GOLT1A: variants seen among roughly 807,000 people sequenced by gnomAD.
GOLT1A encodes the protein vesicle transport protein GOT1A.
In GOLT1A, 10 loss-of-function variants were observed where a neutral mutation model predicts 16.1. That is an observed-to-expected ratio of 0.62 (90% CI 0.38 to 1.05). The LOEUF (loss-of-function observed/expected upper bound fraction) is 1.05, where lower values mean the gene tolerates loss of function less well. GOLT1A is among the 50% of genes least tolerant of loss of function. The pLI is 0.01. For missense variants in GOLT1A, 137 were observed against 165.7 expected, an observed-to-expected ratio of 0.83 and a Z score of 0.95; for synonymous variants, 60 against 67.9, an observed-to-expected ratio of 0.88 and a Z score of 0.57.
chr1:204,200,339 T>TG (rs1658936918), intron 3 of GOLT1A, among the ~76,000 whole-genome samples: 2 of 56,524 alleles, frequency 3.5e-5, no homozygotes, highest in African/African-American at 1.8e-4. Context: ...TTTTTTTTTT[T>TG]TGAGAGAGAG....
At chr1:204,204,456 T>A (rs1329365220) in intron 1 of GOLT1A, among the ~76,000 whole-genome samples, 1 of 152,234 alleles carries the variant, frequency 6.6e-6, no homozygotes, top group African/African-American at 2.4e-5. Context: ...GGTTCCTTCA[T>A]GTTGTAGCAT....
Position 204,211,699 on chromosome 1 carries a change from G to A in GOLT1A, c.25+2183C>T, listed in dbSNP as rs566387238. The stretch of plus-strand genomic sequence containing the variant: ...CCCACCTCTCTCTATATTTTTATTC[G>A]CCAGGTCCATGATTCTCAACTGGGC... On this transcript the variant is annotated intron_variant, in intron 1 of 4. Transcript: ENST00000308302. Among the ~76,000 whole-genome samples the A allele has an allele frequency of 3.9e-5, 6 of 152,156 alleles. No individual in the cohort carries two copies. The East Asian group carries it at 5.8e-4, about 15-fold the overall frequency.
chr1:204,201,500 G>T, intron 3 of GOLT1A, 133 bp downstream of exon 3: 2 of 843,560 alleles, frequency 2.4e-6, no homozygotes, highest in Non-Finnish European at 3.7e-6. Context: ...TACTTTAGGG[G>T]GCCTTTCCAA....
At chr1:204,212,240 C>T (rs969833535) in intron 1 of GOLT1A, among the ~76,000 whole-genome samples, 26 of 152,124 alleles carry the variant, frequency 1.7e-4, no homozygotes, top group African/African-American at 6.0e-4. Flanking sequence ...ATGTCCAAAC[C>T]GTCAGCAAAT....
intron 1 of GOLT1A, among the ~76,000 whole-genome samples, chr1:204,208,542 A>C (rs1252715250): frequency 7.0e-6 from 1 of 142,508 alleles, no homozygotes; most frequent in Non-Finnish European, 1.5e-5. Flanking sequence ...GGAATGAAAT[A>C]ATGGCATTCG....
Position 204,200,299 on chromosome 1 carries a change from G to GTATATATATATATATATATA in GOLT1A, c.297-1061_297-1042dup, listed in dbSNP as rs141284578. 9.6e-3 allele frequency among the ~76,000 whole-genome samples: 795 copies of GTATATATATATATATATATA among 82,442 alleles called. 54 individuals are homozygous for GTATATATATATATATATATA. Among genetic ancestry groups the GTATATATATATATATATATA allele is most frequent in the Middle Eastern group, 0.012 (2 of 168 alleles). The allele number at this position is 82,442 out of a possible 152,430, so 54.1% of individuals were successfully genotyped here. A position where few individuals can be genotyped will look rare whatever the true frequency, so the allele number is the denominator to read the frequency against. On this transcript the variant is annotated intron_variant, in intron 3 of 4. Coordinates refer to ENST00000308302, the MANE Select transcript of GOLT1A (RefSeq NM_198447.2). ...GACTGTTTGAAAATGACATATATGT[G>GTATATATATATATATATATA]TATATATATATATATATATATGTTT...
chr1:204,213,165 T>C (rs1008128670), intron 1 of GOLT1A, among the ~76,000 whole-genome samples: 2 of 152,230 alleles, frequency 1.3e-5, no homozygotes, highest in South Asian at 4.1e-4. Context: ...TATATACTTC[T>C]TTCTGTTAAT....
chr1:204,211,484 T>C (rs1315896351), intron 1 of GOLT1A, among the ~76,000 whole-genome samples: 2 of 152,242 alleles, frequency 1.3e-5, no homozygotes, highest in East Asian at 3.8e-4. Flanking sequence ...TACTTGACAA[T>C]GCATCCTCAT....
chr1:204,213,962 C>A lies in GOLT1A; in HGVS notation c.-56G>T. 1 of 1,591,832 alleles carries A rather than the reference C, an allele frequency of 6.3e-7. No homozygotes were observed. Among genetic ancestry groups the A allele is most frequent in the East Asian group, 2.3e-5 (1 of 44,190 alleles). On this transcript the variant is annotated 5_prime_UTR_variant, in exon 1 of 5. Coordinates refer to ENST00000308302, the MANE Select transcript of GOLT1A (RefSeq NM_198447.2). ...GGAAGCGGGCAAGTGGAGCGTGGCC[C>A]AGAGGACGCAGCTGGTACATGGTCA... is the stretch of plus-strand genomic sequence containing the variant.
intron 1 of GOLT1A, 132 bp from the exon 2 acceptor site, chr1:204,203,119 T>C: frequency 1.5e-6 from 1 of 673,938 alleles, no homozygotes; most frequent in Non-Finnish European, 2.7e-6. Context: ...ATCTCAGCTT[T>C]CATGCTCTCA....
At chr1:204,211,699 G>T (rs566387238) in intron 1 of GOLT1A, among the ~76,000 whole-genome samples, 2 of 152,038 alleles carry the variant, frequency 1.3e-5, no homozygotes, top group Admixed American at 1.3e-4. Flanking sequence ...ATTTTTATTC[G>T]CCAGGTCCAT....
At chr1:204,211,553 T>C (rs1329348692) in intron 1 of GOLT1A, among the ~76,000 whole-genome samples, 1 of 152,244 alleles carries the variant, frequency 6.6e-6, no homozygotes, top group South Asian at 2.1e-4. Context: ...CTCTCTTCCC[T>C]GACCTAAATC....
chr1:204,203,299 A>G (rs750468874), intron 1 of GOLT1A, among the ~76,000 whole-genome samples: 48 of 152,166 alleles, frequency 3.2e-4, no homozygotes, highest in South Asian at 8.3e-4. Context: ...CTTGTCCTCA[A>G]AAGCCACATT....
chr1:204,202,521 C>T (rs1388565087), intron 2 of GOLT1A, among the ~76,000 whole-genome samples: 2 of 151,976 alleles, frequency 1.3e-5, no homozygotes, highest in African/African-American at 4.8e-5. Context: ...ATGTGTTTAC[C>T]ATGGCCCCTG....
chr1:204,206,196 G>T lies in GOLT1A; in HGVS notation c.26-3209C>A, dbSNP rs561671891. 3.8e-4 allele frequency among the ~76,000 whole-genome samples: 58 copies of T among 152,300 alleles called. 1 individual carries two copies. The highest frequency in any genetic ancestry group is 5.9e-4 in the Admixed American group (9 of 15,296). ...TGGATCTCACTTTTGGCAGAAGCTG[G>T]ATTTTGTTGGGACCCAGTGTAACAT... On this transcript the variant is annotated intron_variant, in intron 1 of 4. Transcript: ENST00000308302.
In GOLT1A at chr1:204,207,767, C is replaced by G. The variant is rs116863402; in HGVS notation, c.26-4780G>C. Reference sequence around the variant, plus strand: ...AGTACAAAGAATATTTTTCTTGAACCATTTGAAAGTAGTTGCCACCTCATA... The same window carrying G: ...AGTACAAAGAATATTTTTCTTGAACGATTTGAAAGTAGTTGCCACCTCATA... On this transcript the variant is annotated intron_variant, in intron 1 of 4. Coordinates refer to ENST00000308302, the MANE Select transcript of GOLT1A (RefSeq NM_198447.2). Among the ~76,000 whole-genome samples the G allele has an allele frequency of 3.9e-5, 6 of 152,252 alleles. No individual in the cohort carries two copies. The East Asian group carries it at 1.2e-3, about 29-fold the overall frequency.
chr1:204,199,798 T>C (rs1658922752), intron 3 of GOLT1A, among the ~76,000 whole-genome samples: 1 of 152,178 alleles, frequency 6.6e-6, no homozygotes, highest in African/African-American at 2.4e-5. Flanking sequence ...TTGGCAACCC[T>C]GCTCTCATCA....
At chr1:204,208,404 A>G (rs1167671651) in intron 1 of GOLT1A, among the ~76,000 whole-genome samples, 2,823 of 59,272 alleles carry the variant, frequency 0.048, 141 homozygotes, top group Non-Finnish European at 0.079. Flanking sequence ...GTATACATAT[A>G]TGTATATATG....
At chr1:204,202,651 G>C (rs1003073689) in intron 2 of GOLT1A, among the ~76,000 whole-genome samples, 16 of 152,082 alleles carry the variant, frequency 1.1e-4, no homozygotes, top group Non-Finnish European at 2.2e-4. Flanking sequence ...CTCGGTGTGA[G>C]AATCCAGGTC....
Sources: allele counts gnomAD v4.1 joint callset (sites outside exome capture counted in the v4.1 genomes callset), GRCh38; gene constraint gnomAD v4.1.1; transcripts MANE v1.5; gene names NCBI Gene and HGNC (gene_info 2026-07-23, HGNC 2026-07-21).